The following SLC35F3 variants were observed in gnomAD, a reference collection of about 807,000 sequenced individuals.
The protein encoded by SLC35F3 is putative thiamine transporter SLC35F3.
In SLC35F3, 25 loss-of-function variants were observed where a neutral mutation model predicts 49.9. That is an observed-to-expected ratio of 0.50 (90% CI 0.37 to 0.70). The LOEUF is 0.70. Among genes scored for constraint, SLC35F3 ranks in the 30% least tolerant of loss-of-function variants. The probability of loss-of-function intolerance (pLI) is 0.00; values close to 1 mark genes in which losing one functional copy is unlikely to be tolerated. For synonymous variants in SLC35F3, 275 were observed against 265.4 expected (o/e 1.04, Z -0.35); for missense variants, 525 against 639.8 (o/e 0.82, Z 1.94).
chr1:233,989,977 C>T (rs1362578259), intron 2 of SLC35F3, among the ~76,000 whole-genome samples: 9 of 152,008 alleles, frequency 5.9e-5, no homozygotes, highest in Admixed American at 4.6e-4. Flanking sequence ...ATTTTTTAGT[C>T]GTGAGTATCT....
intron 2 of SLC35F3, among the ~76,000 whole-genome samples, chr1:234,176,167 A>C (rs1666473288): frequency 6.6e-6 from 1 of 152,170 alleles, no homozygotes; most frequent in African/African-American, 2.4e-5. Context: ...CGCATGAAAC[A>C]AATTCTGCCG....
chr1:234,072,520 T>C (rs1572041094), intron 2 of SLC35F3, among the ~76,000 whole-genome samples: 1 of 152,140 alleles, frequency 6.6e-6, no homozygotes, highest in Admixed American at 6.5e-5. Context: ...TTTAATACGA[T>C]GGAGAAAAAT....
chr1:234,324,431 C>A lies in SLC35F3; in HGVS notation c.*1188C>A, dbSNP rs978917310. The A allele has an allele frequency of 2.6e-5, 4 of 152,166 alleles. No homozygotes were observed. Among genetic ancestry groups the A allele is most frequent in the Non-Finnish European group, 4.4e-5 (3 of 68,042 alleles). The allele number at this position is 152,166 out of a possible 1,614,324, so 9.4% of individuals were successfully genotyped here. A position where few individuals can be genotyped will look rare whatever the true frequency, so the allele number is the denominator to read the frequency against. ...TCCTGGGGGAAAGGGGCATTCATGACCTGAACTTTTTAGCAAATTATTATT... is the reference window on the plus strand; with the variant it reads ...TCCTGGGGGAAAGGGGCATTCATGAACTGAACTTTTTAGCAAATTATTATT... On this transcript the variant is annotated 3_prime_UTR_variant, in exon 8 of 8. Coordinates refer to ENST00000366618, the MANE Select transcript of SLC35F3 (RefSeq NM_173508.4).
intron 3 of SLC35F3, among the ~76,000 whole-genome samples, chr1:234,265,458 C>T (rs1358419673): frequency 6.6e-6 from 1 of 152,002 alleles, no homozygotes; most frequent in Admixed American, 6.6e-5. Flanking sequence ...TAGGTGTGAG[C>T]CACTGCATCC....
chr1:234,073,957 C>G (rs1194972162), intron 2 of SLC35F3, among the ~76,000 whole-genome samples: 1 of 152,026 alleles, frequency 6.6e-6, no homozygotes, highest in Non-Finnish European at 1.5e-5. Flanking sequence ...GTATCATTGT[C>G]CAAGCTTTAG....
At chr1:234,154,022 A>G (rs1666114844) in intron 2 of SLC35F3, among the ~76,000 whole-genome samples, 1 of 151,176 alleles carries the variant, frequency 6.6e-6, no homozygotes, top group Non-Finnish European at 1.5e-5. Flanking sequence ...AGATCACACC[A>G]CTGCACTCCA....
intron 2 of SLC35F3, among the ~76,000 whole-genome samples, chr1:233,992,737 A>G (rs933738619): frequency 6.6e-5 from 10 of 152,226 alleles, no homozygotes; most frequent in African/African-American, 2.2e-4. Flanking sequence ...AACAATCCAA[A>G]TATACAATGA....
Position 234,132,686 on chromosome 1 carries a change from AG to A in SLC35F3, c.284-98730del, listed in dbSNP as rs547453010. ...CAAATCATTTGCTGATTTTTATTGC[AG>A]TGTTAATTTTTTATTGTTGAAATGT... On this transcript the variant is annotated intron_variant, in intron 2 of 7. Coordinates refer to ENST00000366618, the MANE Select transcript of SLC35F3 (RefSeq NM_173508.4). Among the ~76,000 whole-genome samples, 662 of 152,258 alleles carry A rather than the reference AG, an allele frequency of 4.3e-3. 8 individuals carry two copies. The highest frequency in any genetic ancestry group is 0.015 in the African/African-American group (613 of 41,560).
At chr1:234,201,594 AC>A (rs1383136977) in intron 2 of SLC35F3, among the ~76,000 whole-genome samples, 8 of 152,178 alleles carry the variant, frequency 5.3e-5, no homozygotes, top group Admixed American at 3.3e-4. Context: ...TTTAATGCCC[AC>A]TCACTTTAAA....
chr1:234,192,872 A>G (rs113189371), intron 2 of SLC35F3, among the ~76,000 whole-genome samples: 2 of 152,090 alleles, frequency 1.3e-5, no homozygotes, highest in Non-Finnish European at 2.9e-5. Flanking sequence ...AAAATAAAAT[A>G]CTTTGGAATA....
At chr1:233,918,806 CTCTCTCTCTCTA>C (rs1662013683) in intron 2 of SLC35F3, among the ~76,000 whole-genome samples, 1 of 45,958 alleles carries the variant, frequency 2.2e-5, no homozygotes, top group Non-Finnish European at 7.4e-5. Flanking sequence ...CTTTCTCTCT[CTCTCTCTCTCTA>C]TATATATATA....
intron 2 of SLC35F3, among the ~76,000 whole-genome samples, chr1:233,963,200 T>C (rs1436011477): frequency 6.6e-6 from 1 of 152,238 alleles, no homozygotes; most frequent in Admixed American, 6.5e-5. Context: ...GGGTGGGTAC[T>C]TCTGCCTTTC....
chr1:234,192,442 A>G (rs1043174640), intron 2 of SLC35F3, among the ~76,000 whole-genome samples: 1 of 152,234 alleles, frequency 6.6e-6, no homozygotes, highest in Non-Finnish European at 1.5e-5. Context: ...CATACAAAGG[A>G]TACACCTCAG....
intron 2 of SLC35F3, among the ~76,000 whole-genome samples, chr1:234,067,944 C>T (rs1664647548): frequency 6.6e-6 from 1 of 152,198 alleles, no homozygotes; most frequent in Non-Finnish European, 1.5e-5. Context: ...TTGGTGAAGA[C>T]CTCTGAAATA....
At chr1:233,932,712 G>T (rs1236858868) in intron 2 of SLC35F3, among the ~76,000 whole-genome samples, 1 of 152,210 alleles carries the variant, frequency 6.6e-6, no homozygotes, top group Non-Finnish European at 1.5e-5. Flanking sequence ...TGATGGATCA[G>T]TTGTTTATAC....
At chr1:233,952,239 C>T (rs564173113) in intron 2 of SLC35F3, among the ~76,000 whole-genome samples, 1 of 152,200 alleles carries the variant, frequency 6.6e-6, no homozygotes, top group East Asian at 1.9e-4. Context: ...TCAATGGTCA[C>T]AACTTTCATC....
chr1:234,248,127 G>C (rs1667672528), intron 3 of SLC35F3, among the ~76,000 whole-genome samples: 2 of 152,260 alleles, frequency 1.3e-5, no homozygotes, highest in African/African-American at 2.4e-5. Context: ...TGTTCTGTGG[G>C]TCGGTTGGCT....
chr1:234,214,264 G>A lies in SLC35F3; in HGVS notation c.284-17153G>A, dbSNP rs1667080808. ...AGTAGGAGGCTGTGCGCGCGTGTGT[G>A]TGGAGTGGCTGCGCGGCCGGGGAGG... On this transcript the variant is annotated intron_variant, in intron 2 of 7. Coordinates refer to ENST00000366618, the MANE Select transcript of SLC35F3 (RefSeq NM_173508.4). The surrounding 1 kb of genome is among the most constrained non-coding windows in gnomAD (Gnocchi z 8.0). 7.9e-7 allele frequency: 1 copy of A among 1,266,886 alleles called. No homozygotes were observed. The highest frequency in any genetic ancestry group is 2.7e-5 in the South Asian group (1 of 36,940). 78.5% of individuals were successfully genotyped at this position (1,266,886 alleles called of 1,614,324 possible). A position where few individuals can be genotyped will look rare whatever the true frequency, so the allele number is the denominator to read the frequency against.
At chr1:234,173,208 T>C (rs552457445) in intron 2 of SLC35F3, among the ~76,000 whole-genome samples, 2 of 152,318 alleles carry the variant, frequency 1.3e-5, no homozygotes, top group South Asian at 2.1e-4. Context: ...AGCTCCCTCG[T>C]GGAAGCTCAT....
Sources: gnomAD v4.1 joint callset for allele counts (sites outside exome capture counted in the v4.1 genomes callset) on GRCh38, gnomAD v4.1.1 for gene constraint, Gnocchi (gnomAD v3.1) non-coding constraint, MANE v1.5 for transcripts, NCBI Gene and HGNC (gene_info 2026-07-23, HGNC 2026-07-21) for gene names.